Variants in SLC35E3 observed in about 807,000 individuals in gnomAD.
SLC35E3 encodes the protein bladder cancer-overexpressed gene 1 protein.
SLC35E3 carries 28 observed loss-of-function variants against 30.8 expected under a neutral mutation model. That is an observed-to-expected ratio of 0.91 (90% CI 0.67 to 1.25). SLC35E3 has a LOEUF of 1.25. Among genes scored for constraint, SLC35E3 ranks in the 50% most tolerant of loss-of-function variants. SLC35E3 has a pLI of 0.00. For missense variants in SLC35E3, 365 were observed against 375.4 expected (o/e 0.97, Z 0.23); for synonymous variants, 146 against 149.2 (o/e 0.98, Z 0.16).
At chr12:68,747,695 A>G (rs1306091306) in intron 1 of SLC35E3, among the ~76,000 whole-genome samples, 3 of 152,214 alleles carry the variant, frequency 2.0e-5, no homozygotes, top group Non-Finnish European at 4.4e-5. Context: ...CAATATATTT[A>G]CCACAAATTT....
rs1378457557 is a variant in SLC35E3 at position 68,772,680 on chromosome 12, G to T, written c.*7790G>T. 2 of 152,072 alleles carry T rather than the reference G, an allele frequency of 1.3e-5. No homozygotes were observed. Among genetic ancestry groups the T allele is most frequent in the South Asian group, 2.1e-4 (1 of 4,826 alleles). 9.4% of individuals were successfully genotyped at this position (152,072 alleles called of 1,614,324 possible). On this transcript the variant is annotated 3_prime_UTR_variant, in exon 5 of 5. Transcript: ENST00000398004. ...CTACTATGCCACAAGAACAAGCATG[G>T]ATACTTATTTAACCAGCCAAGACTA...
chr12:68,758,274 G>A (rs988539917), intron 3 of SLC35E3, among the ~76,000 whole-genome samples: 6 of 152,010 alleles, frequency 3.9e-5, no homozygotes, highest in African/African-American at 1.4e-4. Context: ...CAAAAAATTA[G>A]CCGGGCGCAG....
intron 3 of SLC35E3, among the ~76,000 whole-genome samples, chr12:68,755,685 G>A (rs145941712): frequency 1.3e-3 from 200 of 152,268 alleles, no homozygotes; most frequent in African/African-American, 4.3e-3. Context: ...GTCACATGGC[G>A]AGAGAGGGAG....
rs1008192195 is a variant in SLC35E3, at chr12:68,780,131, T to G, written c.*15241T>G. 2.6e-4 allele frequency: 40 copies of G among 152,166 alleles called. No individual in the cohort carries two copies. Among genetic ancestry groups the G allele is most frequent in the African/African-American group, 9.7e-4 (40 of 41,446 alleles). 9.4% of individuals were successfully genotyped at this position (152,166 alleles called of 1,614,324 possible). ...ATTTAAATTTGCTCAAAATTTTTAT[T>G]TTTAAATCTTAACAATTTCTAAAAT... On this transcript the variant is annotated 3_prime_UTR_variant, in exon 5 of 5. Coordinates refer to ENST00000398004, the MANE Select transcript of SLC35E3 (RefSeq NM_018656.5).
intron 2 of SLC35E3, among the ~76,000 whole-genome samples, chr12:68,750,868 T>G (rs1351806778): frequency 6.6e-6 from 1 of 152,152 alleles, no homozygotes; most frequent in Non-Finnish European, 1.5e-5. Context: ...TTCTATAGAC[T>G]TAGAGTTTAT....
At chr12:68,756,139 G>A (rs1279243369) in intron 3 of SLC35E3, among the ~76,000 whole-genome samples, 1 of 151,768 alleles carries the variant, frequency 6.6e-6, no homozygotes, top group Non-Finnish European at 1.5e-5. Context: ...GAGGTCATTG[G>A]ACCATCTATC....
In SLC35E3 at chr12:68,770,967, A is replaced by G. The variant is rs1301219969; in HGVS notation, c.*6077A>G. The G allele has an allele frequency of 5.8e-6, 1 of 173,094 alleles. No individual in the cohort carries two copies. Among genetic ancestry groups the G allele is most frequent in the African/African-American group, 2.4e-5 (1 of 41,774 alleles). The allele number at this position is 173,094 out of a possible 1,614,324, so 10.7% of individuals were successfully genotyped here. A position where few individuals can be genotyped will look rare whatever the true frequency, so the allele number is the denominator to read the frequency against. On this transcript the variant is annotated 3_prime_UTR_variant, in exon 5 of 5. Coordinates refer to ENST00000398004, the MANE Select transcript of SLC35E3 (RefSeq NM_018656.5). Reference sequence around the variant, plus strand: ...GAGGAATATTATGGGCCTTCTTGATACTGAGATATCCAATTAAAGATGTTG... The same window carrying G: ...GAGGAATATTATGGGCCTTCTTGATGCTGAGATATCCAATTAAAGATGTTG...
In SLC35E3 at chr12:68,766,969, C is replaced by CACTTGGAGTGAACTGCAA. The variant is rs1363946723; in HGVS notation, c.*2094_*2111dup. On this transcript the variant is annotated 3_prime_UTR_variant, in exon 5 of 5. Coordinates refer to ENST00000398004, the MANE Select transcript of SLC35E3 (RefSeq NM_018656.5). ...CATGGAGCTTTCTGTGGTACTGAAACACTTGGAGTGAACTGCAAACTTGGA... is the reference window on the plus strand; with the variant it reads ...CATGGAGCTTTCTGTGGTACTGAAACACTTGGAGTGAACTGCAAACTTGGAGTGAACTGCAAACTTGGA... 4.6e-6 allele frequency: 1 copy of CACTTGGAGTGAACTGCAA among 218,652 alleles called. No individual in the cohort carries two copies. The highest frequency in any genetic ancestry group is 2.3e-5 in the African/African-American group (1 of 42,724). The allele number at this position is 218,652 out of a possible 1,614,324, so 13.5% of individuals were successfully genotyped here.
chr12:68,767,663 T>C lies in SLC35E3; in HGVS notation c.*2773T>C, dbSNP rs1879477771. ...TGGGGTTTTTAGGATTTTTTTTTCC[T>C]GGACTCTGAAATGAGAAGCCTCGCT... On this transcript the variant is annotated 3_prime_UTR_variant, in exon 5 of 5. Coordinates refer to ENST00000398004, the MANE Select transcript of SLC35E3 (RefSeq NM_018656.5). 1 of 152,194 alleles carries C rather than the reference T, an allele frequency of 6.6e-6. No individual in the cohort carries two copies. Among genetic ancestry groups the C allele is most frequent in the Non-Finnish European group, 1.5e-5 (1 of 68,042 alleles). 9.4% of individuals were successfully genotyped at this position (152,194 alleles called of 1,614,324 possible).
In SLC35E3 at chr12:68,746,705, A is replaced by T. The variant is rs1878588823; in HGVS notation, c.328A>T (p.Thr110Ser). ...CACCTATCAGCTGGCCAAGGCCATG[A>T]CCACGCCGGTGATCATAGCCATCCA... is the stretch of plus-strand genomic sequence containing the variant. Reference protein sequence around the residue: ...IGTYQLAKAMTTPVIIAIQTF... With the variant: ...IGTYQLAKAMSTPVIIAIQTF... Residue 110 changes from threonine to serine, a missense_variant, in exon 1 of 5, where the codon ACC becomes TCC. Physicochemically the swap from Thr to Ser is moderately conservative, Grantham distance 58. Coordinates refer to ENST00000398004, the MANE Select transcript of SLC35E3 (RefSeq NM_018656.5). The T allele has an allele frequency of 6.2e-7, 1 of 1,614,042 alleles. No homozygotes were observed. The highest frequency in any genetic ancestry group is 2.2e-5 in the East Asian group (1 of 44,882).
chr12:68,746,246 A>G lies in SLC35E3; in HGVS notation c.-132A>G, dbSNP rs1878544854. On this transcript the variant is annotated 5_prime_UTR_variant, in exon 1 of 5. Coordinates refer to ENST00000398004, the MANE Select transcript of SLC35E3 (RefSeq NM_018656.5). ...TAAGAGTGCTACTCGCCCGGGGTTG[A>G]TCTGTGCATGCCACTCCTGGGTCAG... 2.4e-6 allele frequency: 2 copies of G among 821,730 alleles called. No homozygotes were observed. Among genetic ancestry groups the G allele is most frequent in the Admixed American group, 3.0e-5 (1 of 33,880 alleles). The allele number at this position is 821,730 out of a possible 1,614,324, so 50.9% of individuals were successfully genotyped here. A position where few individuals can be genotyped will look rare whatever the true frequency, so the allele number is the denominator to read the frequency against.
intron 4 of SLC35E3, among the ~76,000 whole-genome samples, chr12:68,763,224 A>G (rs1204900910): frequency 1.3e-5 from 2 of 152,224 alleles, no homozygotes; most frequent in Non-Finnish European, 2.9e-5. Flanking sequence ...CCCCTTTTAT[A>G]TAGTGAGGAA....
rs1278553861 is a variant in SLC35E3 at position 68,746,254 on chromosome 12, A to T, written c.-124A>T. The T allele has an allele frequency of 1.1e-6, 1 of 906,708 alleles. No homozygotes were observed. Among genetic ancestry groups the T allele is most frequent in the Non-Finnish European group, 1.6e-6 (1 of 609,094 alleles). 56.2% of individuals were successfully genotyped at this position (906,708 alleles called of 1,614,324 possible). ...CTACTCGCCCGGGGTTGATCTGTGC[A>T]TGCCACTCCTGGGTCAGACGGTGAG... On this transcript the variant is annotated 5_prime_UTR_variant, in exon 1 of 5. It removes an upstream start codon present in the reference 5' UTR. Coordinates refer to ENST00000398004, the MANE Select transcript of SLC35E3 (RefSeq NM_018656.5).
chr12:68,776,868 C>A lies in SLC35E3; in HGVS notation c.*11978C>A, dbSNP rs117817865. ...TGAACCAGTTCCAGCCAGGAACAGA[C>A]TTTCCCACCAAGTGGGAGGTGGTCT... On this transcript the variant is annotated 3_prime_UTR_variant, in exon 5 of 5. Coordinates refer to ENST00000398004, the MANE Select transcript of SLC35E3 (RefSeq NM_018656.5). 1.3e-5 allele frequency: 2 copies of A among 152,184 alleles called. No homozygotes were observed. The highest frequency in any genetic ancestry group is 4.8e-5 in the African/African-American group (2 of 41,420). The allele number at this position is 152,184 out of a possible 1,614,324, so 9.4% of individuals were successfully genotyped here.
At chr12:68,747,873 C>A in intron 1 of SLC35E3, 57 bp from the exon 2 acceptor site, 1 of 864,290 alleles carries the variant, frequency 1.2e-6, no homozygotes, top group Non-Finnish European at 1.9e-6. Flanking sequence ...GAAAGGAATA[C>A]TAAATTTTTG....
At chr12:68,746,808 G>C in intron 1 of SLC35E3, 29 bp downstream of exon 1, 1 of 1,536,832 alleles carries the variant, frequency 6.5e-7, no homozygotes, top group East Asian at 2.3e-5. Flanking sequence ...CCAAGGCGCC[G>C]CTCTCCCGAC....
rs1057309958 is a variant in SLC35E3, at chr12:68,746,210, G to T, written c.-168G>T. 2 of 562,112 alleles carry T rather than the reference G, an allele frequency of 3.6e-6. No individual in the cohort carries two copies. The highest frequency in any genetic ancestry group is 6.1e-5 in the East Asian group (2 of 32,636). The allele number at this position is 562,112 out of a possible 1,614,324, so 34.8% of individuals were successfully genotyped here. ...GGCTTACAGGGCGGCGGCGGGGTGT[G>T]TGTCCTCTGTTAAGAGTGCTACTCG... On this transcript the variant is annotated 5_prime_UTR_variant, in exon 1 of 5. Coordinates refer to ENST00000398004, the MANE Select transcript of SLC35E3 (RefSeq NM_018656.5).
In SLC35E3 at chr12:68,765,120, G is replaced by C; in HGVS notation, c.*230G>C. The C allele has an allele frequency of 3.3e-6, 1 of 307,122 alleles. No individual in the cohort carries two copies. Among genetic ancestry groups the C allele is most frequent in the East Asian group, 6.7e-5 (1 of 14,828 alleles). The allele number at this position is 307,122 out of a possible 1,614,324, so 19.0% of individuals were successfully genotyped here. Reference sequence around the variant, plus strand: ...AATAATACAAAATTAGCCAGGCGTGGTGGCGCATGCCTGTAATCCCAGCTA... The same window carrying C: ...AATAATACAAAATTAGCCAGGCGTGCTGGCGCATGCCTGTAATCCCAGCTA... On this transcript the variant is annotated 3_prime_UTR_variant, in exon 5 of 5. Transcript: ENST00000398004.
rs1592545919 is a variant in SLC35E3, at chr12:68,765,028, C to G, written c.*138C>G. 3 of 681,734 alleles carry G rather than the reference C, an allele frequency of 4.4e-6. No individual in the cohort carries two copies. In the East Asian group the frequency reaches 9.0e-5, roughly 20 times the overall value. The allele number at this position is 681,734 out of a possible 1,614,324, so 42.2% of individuals were successfully genotyped here. A position where few individuals can be genotyped will look rare whatever the true frequency, so the allele number is the denominator to read the frequency against. On this transcript the variant is annotated 3_prime_UTR_variant, in exon 5 of 5. Transcript: ENST00000398004. The stretch of plus-strand genomic sequence containing the variant: ...TCCCAGCACTTTGGGAGGCCAAGGC[C>G]AGCGGATCACTTGAGGTCAGGAGTT...
Sources: allele counts gnomAD v4.1 joint callset (sites outside exome capture counted in the v4.1 genomes callset), GRCh38; gene constraint gnomAD v4.1.1; transcripts MANE v1.5; gene names NCBI Gene and HGNC (gene_info 2026-07-23, HGNC 2026-07-21).